The following RORA variants were observed in gnomAD, a reference collection of about 807,000 sequenced individuals.
RORA encodes the protein nuclear receptor ROR-alpha.
In RORA, 7 loss-of-function variants were observed where a neutral mutation model predicts 69.5. The observed-to-expected ratio is 0.10, with a 90% CI of 0.06 to 0.19. The LOEUF is 0.19. RORA is among the 10% of genes least tolerant of loss of function. The pLI, the probability that RORA is intolerant of heterozygous loss-of-function variation, is 1.00. For missense variants in RORA, 457 were observed against 663.0 expected, an observed-to-expected ratio of 0.69 and a Z score of 3.41; for synonymous variants, 261 against 240.8, an observed-to-expected ratio of 1.08 and a Z score of -0.78.
chr15:61,188,125 A>C (rs1252433928), intron 1 of RORA, among the ~76,000 whole-genome samples: 1 of 152,096 alleles, frequency 6.6e-6, no homozygotes, highest in Non-Finnish European at 1.5e-5. Context: ...CCCAACCCCA[A>C]GCTGTCTGGG....
intron 1 of RORA, among the ~76,000 whole-genome samples, chr15:60,959,483 C>T (rs1893356773): frequency 6.6e-6 from 1 of 152,194 alleles, no homozygotes; most frequent in Middle Eastern, 3.4e-3. Context: ...CTGAAACACA[C>T]AAATGTTGAA....
intron 1 of RORA, among the ~76,000 whole-genome samples, chr15:60,726,351 G>A (rs982165803): frequency 1.3e-5 from 2 of 152,270 alleles, no homozygotes; most frequent in Admixed American, 6.5e-5. Context: ...AAATGTCTGC[G>A]TTCTTTGTTG....
chr15:61,182,696 G>C (rs1482418890), intron 1 of RORA, among the ~76,000 whole-genome samples: 1 of 152,238 alleles, frequency 6.6e-6, no homozygotes, highest in African/African-American at 2.4e-5. Context: ...TGACTTTATA[G>C]TGGAGATGGC....
chr15:60,985,139 A>C (rs529999022), intron 1 of RORA, among the ~76,000 whole-genome samples: 27 of 152,218 alleles, frequency 1.8e-4, no homozygotes, highest in Non-Finnish European at 3.5e-4. Flanking sequence ...TTTGGAAATA[A>C]ACTGTGGAAA....
Position 60,489,513 on chromosome 15 carries a change from G to T in RORA, c.*7942C>A, listed in dbSNP as rs767341853. 3.3e-5 allele frequency: 5 copies of T among 152,292 alleles called. No homozygotes were observed. In the South Asian group the frequency reaches 1.0e-3, roughly 32 times the overall value. The allele number at this position is 152,292 out of a possible 1,614,324, so 9.4% of individuals were successfully genotyped here. ...TAACTACATCCTTAGTTAGATATTT[G>T]ATAAACTTTGCTTTTCAATAATGCC... On this transcript the variant is annotated 3_prime_UTR_variant, in exon 11 of 11. Coordinates refer to ENST00000335670, the MANE Select transcript of RORA (RefSeq NM_134261.3).
chr15:60,734,253 T>C (rs530540550), intron 1 of RORA, among the ~76,000 whole-genome samples: 3 of 152,232 alleles, frequency 2.0e-5, no homozygotes, highest in South Asian at 2.1e-4. Flanking sequence ...AATACAAACC[T>C]GAGTCTCTCC....
chr15:60,776,856 C>T (rs1567186820), intron 1 of RORA, among the ~76,000 whole-genome samples: 1 of 152,148 alleles, frequency 6.6e-6, no homozygotes, highest in African/African-American at 2.4e-5. Context: ...TTTTTCCTTG[C>T]CCTATTTTTC....
At chr15:60,508,437 T>G (rs2065585161) in intron 5 of RORA, among the ~76,000 whole-genome samples, 1 of 152,230 alleles carries the variant, frequency 6.6e-6, no homozygotes, top group Admixed American at 6.5e-5. Flanking sequence ...ACATTAATAA[T>G]TATGATAGCA....
intron 1 of RORA, among the ~76,000 whole-genome samples, chr15:61,006,297 T>C (rs1894913169): frequency 6.6e-6 from 1 of 152,054 alleles, no homozygotes; most frequent in African/African-American, 2.4e-5. Flanking sequence ...TTTTGTGCTG[T>C]GTGTTTCATG....
chr15:60,981,017 TTTTA>T (rs1193287732), intron 1 of RORA, among the ~76,000 whole-genome samples: 4 of 151,996 alleles, frequency 2.6e-5, no homozygotes, highest in African/African-American at 9.7e-5. Context: ...CTATCTCAAT[TTTTA>T]TTTATTTGGA....
chr15:61,185,394 G>A (rs545006251), intron 1 of RORA, among the ~76,000 whole-genome samples: 10 of 85,632 alleles, frequency 1.2e-4, no homozygotes, highest in South Asian at 6.9e-4. Context: ...ATCTCTATAC[G>A]GCTACTCAAG....
intron 1 of RORA, among the ~76,000 whole-genome samples, chr15:61,003,687 C>CA (rs1305175441): frequency 6.6e-6 from 1 of 152,096 alleles, no homozygotes; most frequent in Non-Finnish European, 1.5e-5. Context: ...CTTTCAACTA[C>CA]AAAATGCAAA....
intron 1 of RORA, among the ~76,000 whole-genome samples, chr15:60,877,429 T>A (rs2073630192): frequency 6.7e-6 from 1 of 148,694 alleles, no homozygotes; most frequent in African/African-American, 2.4e-5. Context: ...TCTTATGACT[T>A]TTTTTGGACA....
At chr15:61,058,250 G>C (rs1031793342) in intron 1 of RORA, among the ~76,000 whole-genome samples, 2 of 152,138 alleles carry the variant, frequency 1.3e-5, no homozygotes, top group South Asian at 2.1e-4. Flanking sequence ...GATCAGAAAG[G>C]CAGGGTGTCG....
intron 1 of RORA, among the ~76,000 whole-genome samples, chr15:61,170,888 G>A (rs577222016): frequency 3.3e-5 from 5 of 152,198 alleles, no homozygotes; most frequent in South Asian, 2.1e-4. Flanking sequence ...CTCACTCTTC[G>A]TTTTAAAAAC....
chr15:60,673,288 T>C (rs1013465315), intron 2 of RORA, among the ~76,000 whole-genome samples: 9 of 152,214 alleles, frequency 5.9e-5, no homozygotes, highest in Non-Finnish European at 8.8e-5. Flanking sequence ...GCAAATCTTC[T>C]ACTTTGGAAG....
chr15:60,593,684 A>G (rs1452699109), intron 2 of RORA, among the ~76,000 whole-genome samples: 5 of 152,196 alleles, frequency 3.3e-5, no homozygotes, highest in Non-Finnish European at 5.9e-5. Context: ...CTGAAAAGCC[A>G]AGTTTGCGTA....
At chr15:60,573,899 G>A (rs900687893) in intron 2 of RORA, among the ~76,000 whole-genome samples, 1 of 152,214 alleles carries the variant, frequency 6.6e-6, no homozygotes, top group African/African-American at 2.4e-5. Flanking sequence ...GCTCCTTGAA[G>A]GCAGGGACCA....
intron 2 of RORA, among the ~76,000 whole-genome samples, chr15:60,660,109 T>A (rs2070282714): frequency 1.3e-5 from 2 of 152,240 alleles, no homozygotes; most frequent in South Asian, 4.1e-4. Context: ...AATTAGCATC[T>A]AAACAAGCTA....
Sources: gnomAD v4.1 joint callset for allele counts (sites outside exome capture counted in the v4.1 genomes callset) on GRCh38, gnomAD v4.1.1 for gene constraint, MANE v1.5 for transcripts, NCBI Gene and HGNC (gene_info 2026-07-23, HGNC 2026-07-21) for gene names.